Variants in VIT observed in about 807,000 individuals in gnomAD.
The protein encoded by VIT is vitrin.
Under a neutral mutation model 78.0 loss-of-function variants are expected in VIT, and 99 were observed. The ratio of observed to expected loss-of-function variants is 1.27; its 90% CI spans 1.08 to 1.50. The LOEUF is 1.50. Ranked by LOEUF, VIT falls within the 40% of genes most tolerant of loss-of-function variation. The pLI, the probability that VIT is intolerant of heterozygous loss-of-function variation, is 0.00. For synonymous variants in VIT, 374 were observed against 334.3 expected (o/e 1.12, Z -1.29); for missense variants, 1,126 against 875.3 (o/e 1.29, Z -3.61).
chr2:36,698,017 C>G (rs1458636472), intron 1 of VIT, among the ~76,000 whole-genome samples: 5 of 152,178 alleles, frequency 3.3e-5, no homozygotes, highest in African/African-American at 1.2e-4. Context: ...TATTTTCTCT[C>G]TATGTGTGTT....
chr2:36,723,317 A>G (rs569358098), intron 2 of VIT, among the ~76,000 whole-genome samples: 1 of 152,322 alleles, frequency 6.6e-6, no homozygotes, highest in African/African-American at 2.4e-5. Flanking sequence ...CTCTGATTAT[A>G]ACTTGGGATA....
At chr2:36,807,280 G>C (rs1441088125) in intron 14 of VIT, among the ~76,000 whole-genome samples, 1 of 152,184 alleles carries the variant, frequency 6.6e-6, no homozygotes, top group African/African-American at 2.4e-5. Flanking sequence ...TTGCTCTCAA[G>C]GCCTTCTGGG....
chr2:36,730,615 T>C, intron 3 of VIT, among the ~76,000 whole-genome samples: 1 of 152,220 alleles, frequency 6.6e-6, no homozygotes, highest in East Asian at 1.9e-4. Context: ...TGGGCCTTGC[T>C]CGGCCACATT....
At chr2:36,713,742 T>A (rs1573127425) in intron 1 of VIT, among the ~76,000 whole-genome samples, 1 of 151,778 alleles carries the variant, frequency 6.6e-6, no homozygotes, top group South Asian at 2.1e-4. Flanking sequence ...GCACGTGGGG[T>A]GTAAGAGAAA....
intron 1 of VIT, among the ~76,000 whole-genome samples, chr2:36,702,235 T>G (rs1665104479): frequency 6.6e-6 from 1 of 152,008 alleles, no homozygotes; most frequent in Admixed American, 6.5e-5. Flanking sequence ...TGCAGCAAGC[T>G]GAAGGAGCAG....
intron 12 of VIT, among the ~76,000 whole-genome samples, chr2:36,797,492 G>T (rs1429442820): frequency 2.6e-5 from 4 of 152,210 alleles, no homozygotes; most frequent in Admixed American, 2.0e-4. Context: ...AACACACACT[G>T]CTGGATGACT....
intron 6 of VIT, among the ~76,000 whole-genome samples, chr2:36,765,447 G>GAGAGAGAGAGAGAGAGAGAGAGAGA (rs759255390): frequency 8.1e-5 from 12 of 148,912 alleles, no homozygotes; most frequent in Non-Finnish European, 1.5e-4. Context: ...GAGAGAGAGA[G>GAGAGAGAGAGAGAGAGAGAGAGAGA]GAAAAACTGC....
rs758608409 is a variant in VIT at position 36,787,296 on chromosome 2, T to G, written c.1058+20T>G. On this transcript the variant is annotated intron_variant, in intron 12 of 15. Transcript: ENST00000379242. ...GTATGGGTAAGTGCAGTTAATGTTC[T>G]GAATCCAGAAAGGAAGTCATGCCAT... The G allele has an allele frequency of 1.3e-5, 20 of 1,598,326 alleles. No individual in the cohort carries two copies. The East Asian group carries it at 4.3e-4, about 34-fold the overall frequency.
intron 13 of VIT, among the ~76,000 whole-genome samples, chr2:36,804,150 A>G (rs1666534028): frequency 6.6e-6 from 1 of 152,204 alleles, no homozygotes; most frequent in Middle Eastern, 3.2e-3. Flanking sequence ...GCTTTGTAGC[A>G]CTTCATGGCT....
intron 2 of VIT, among the ~76,000 whole-genome samples, chr2:36,728,596 G>A (rs1423370406): frequency 3.3e-5 from 1 of 29,930 alleles, no homozygotes; most frequent in South Asian, 1.0e-3. Flanking sequence ...GGCGGATCAC[G>A]AGGTCAGGAG....
rs756796548 is a variant in VIT at position 36,801,416 on chromosome 2, G to T, written c.1162+12G>T. 1 of 1,589,288 alleles carries T rather than the reference G, an allele frequency of 6.3e-7. No individual in the cohort carries two copies. Among genetic ancestry groups the T allele is most frequent in the Non-Finnish European group, 8.6e-7 (1 of 1,158,222 alleles). ...ACTTTCTAATGTAGGTATGTGATCC[G>T]GATTCAAATTATACTATCTTGCTAC... On this transcript the variant is annotated intron_variant, in intron 13 of 15. Transcript: ENST00000379242.
chr2:36,753,643 G>C (rs1184018941), intron 4 of VIT, among the ~76,000 whole-genome samples: 1 of 152,160 alleles, frequency 6.6e-6, no homozygotes, highest in East Asian at 1.9e-4. Context: ...TTTGTCAGCA[G>C]CACAGGCCTG....
chr2:36,741,287 A>C (rs1667819406), intron 3 of VIT, among the ~76,000 whole-genome samples: 1 of 152,354 alleles, frequency 6.6e-6, no homozygotes, highest in Middle Eastern at 3.4e-3. Flanking sequence ...AGAGTTTAAA[A>C]GAATGAAAGG....
chr2:36,795,915 A>G (rs1316149697), intron 12 of VIT, among the ~76,000 whole-genome samples: 2 of 152,204 alleles, frequency 1.3e-5, no homozygotes, highest in African/African-American at 2.4e-5. Flanking sequence ...AGCTTTGTTC[A>G]GACATGAGTG....
At chr2:36,729,553 A>G in intron 3 of VIT, 62 bp downstream of exon 3, 1 of 1,527,016 alleles carries the variant, frequency 6.5e-7, no homozygotes, top group Non-Finnish European at 8.9e-7. Flanking sequence ...GAGGGTTATT[A>G]TACTTGTTTT....
chr2:36,776,166 C>T (rs1002587465), intron 9 of VIT, among the ~76,000 whole-genome samples: 3 of 152,202 alleles, frequency 2.0e-5, no homozygotes, highest in African/African-American at 7.2e-5. Context: ...CACTATTAGA[C>T]GTAACTATCC....
chr2:36,771,706 A>G (rs1669771634), intron 7 of VIT, among the ~76,000 whole-genome samples: 1 of 152,178 alleles, frequency 6.6e-6, no homozygotes, highest in Non-Finnish European at 1.5e-5. Flanking sequence ...CCAGGAATAT[A>G]TCCTAAGGTA....
intron 7 of VIT, among the ~76,000 whole-genome samples, chr2:36,767,711 T>C (rs1669518703): frequency 6.6e-6 from 1 of 152,198 alleles, no homozygotes; most frequent in South Asian, 2.1e-4. Context: ...TTTCTGATGG[T>C]TTTTTGTCTT....
chr2:36,786,788 C>G (rs1665126151), intron 11 of VIT, among the ~76,000 whole-genome samples: 1 of 152,224 alleles, frequency 6.6e-6, no homozygotes, highest in Admixed American at 6.5e-5. Context: ...TTGATGAATT[C>G]TCACAACGGG....
Sources: allele counts gnomAD v4.1 joint callset (sites outside exome capture counted in the v4.1 genomes callset), GRCh38; gene constraint gnomAD v4.1.1; transcripts MANE v1.5; gene names NCBI Gene and HGNC (gene_info 2026-07-23, HGNC 2026-07-21).